The following TRIM4 variants were observed in gnomAD, a reference collection of about 807,000 sequenced individuals.
The protein encoded by TRIM4 is tripartite motif containing 4.
A neutral mutation model predicts 33.7 loss-of-function variants in TRIM4; 29 were observed. The ratio of observed to expected loss-of-function variants is 0.86; its 90% CI spans 0.64 to 1.17. The LOEUF is 1.17. Ranked by LOEUF, TRIM4 falls within the 50% of genes most tolerant of loss-of-function variation. The probability of loss-of-function intolerance (pLI) is 0.00; values close to 1 mark genes in which losing one functional copy is unlikely to be tolerated. For synonymous variants in TRIM4, 224 were observed against 233.0 expected (o/e 0.96, Z 0.35); for missense variants, 554 against 593.7 (o/e 0.93, Z 0.69).
intron 3 of TRIM4, among the ~76,000 whole-genome samples, chr7:99,904,670 G>A (rs1355130244): frequency 6.6e-6 from 1 of 152,086 alleles, no homozygotes; most frequent in African/African-American, 2.4e-5. Flanking sequence ...AACCTAAATT[G>A]TTCATTTTTT....
chr7:99,904,312 A>T (rs140270136), intron 3 of TRIM4, among the ~76,000 whole-genome samples: 2,548 of 152,242 alleles, frequency 0.017, 37 homozygotes, highest in Non-Finnish European at 0.027. Context: ...AAACAGACAA[A>T]TTCCAATAGG....
intron 3 of TRIM4, among the ~76,000 whole-genome samples, chr7:99,905,157 A>G (rs1423160951): frequency 1.3e-5 from 2 of 152,176 alleles, no homozygotes; most frequent in Non-Finnish European, 2.9e-5. Flanking sequence ...AGGAGATGAC[A>G]TTTTGCACCT....
At chr7:99,907,950 C>T (rs980507473) in intron 3 of TRIM4, among the ~76,000 whole-genome samples, 8 of 152,100 alleles carry the variant, frequency 5.3e-5, no homozygotes, top group Admixed American at 4.6e-4. Flanking sequence ...ATGTAGGACC[C>T]TATCCAAAAA....
chr7:99,905,870 T>C (rs1374237007), intron 3 of TRIM4, among the ~76,000 whole-genome samples: 2 of 152,120 alleles, frequency 1.3e-5, no homozygotes, highest in Non-Finnish European at 2.9e-5. Context: ...GAGTGCTGGG[T>C]GTGGTGGCTC....
At chr7:99,909,897 A>G (rs993558393) in intron 1 of TRIM4, among the ~76,000 whole-genome samples, 10 of 151,768 alleles carry the variant, frequency 6.6e-5, no homozygotes, top group African/African-American at 2.4e-4. Flanking sequence ...AGGTCCAACT[A>G]ATTTTTTTAT....
chr7:99,916,679 G>T (rs1204994629), intron 1 of TRIM4: 1 of 780,448 alleles, frequency 1.3e-6, no homozygotes, highest in East Asian at 2.4e-5. Flanking sequence ...TCCCTGCCCT[G>T]AACTAATTCA....
rs1010443822 is a variant in TRIM4, at chr7:99,890,947, A to C, written c.*1216T>G. 2.6e-5 allele frequency: 4 copies of C among 152,216 alleles called. No homozygotes were observed. The highest frequency in any genetic ancestry group is 5.9e-5 in the Non-Finnish European group (4 of 68,042). 9.4% of individuals were successfully genotyped at this position (152,216 alleles called of 1,614,324 possible). ...GAAAATCTGGGAGAAAATATATTGAAATGTTAGTAGTGCATAACTTTAATT... is the reference window on the plus strand; with the variant it reads ...GAAAATCTGGGAGAAAATATATTGACATGTTAGTAGTGCATAACTTTAATT... On this transcript the variant is annotated 3_prime_UTR_variant, in exon 6 of 6. Coordinates refer to ENST00000349062, the MANE Select transcript of TRIM4 (RefSeq NM_033091.3).
chr7:99,908,555 G>A (rs373119343), intron 3 of TRIM4, 27 bp downstream of exon 3: 1 of 1,548,766 alleles, frequency 6.5e-7, no homozygotes, highest in Non-Finnish European at 8.8e-7. Flanking sequence ...GTGAAGATGA[G>A]ATCACCCCCA....
rs1405755561 is a variant in TRIM4 at position 99,892,461 on chromosome 7, A to G, written c.1127T>C (p.Met376Thr). Residue 376 changes from methionine to threonine, a missense_variant, in exon 6 of 6, where the codon ATG (methionine) becomes ACG (threonine). Physicochemically the swap from Met to Thr is moderately conservative, Grantham distance 81. Around this residue, in one of 3 missense-constraint regions of TRIM4, gnomAD observed 290 missense variants for 335.8 expected, o/e 0.86. Coordinates refer to ENST00000349062, the MANE Select transcript of TRIM4 (RefSeq NM_033091.3). ...VAVGVCREDV[M>T]GITDRSKMSP... ...CATTTTTGAACGATCAGTAATTCCC[A>G]TGACGTCCTCCCGACACACCCCAAC... 2 of 1,613,992 alleles carry G rather than the reference A, an allele frequency of 1.2e-6. No individual in the cohort carries two copies. The highest frequency in any genetic ancestry group is 1.7e-6 in the Non-Finnish European group (2 of 1,180,016).
At chr7:99,895,422 T>G (rs1818994917) in intron 5 of TRIM4, among the ~76,000 whole-genome samples, 1 of 152,236 alleles carries the variant, frequency 6.6e-6, no homozygotes, top group Admixed American at 6.5e-5. Flanking sequence ...GAACATACTC[T>G]GAATGATCGG....
chr7:99,902,286 G>A (rs888240651), intron 5 of TRIM4: 13 of 679,802 alleles, frequency 1.9e-5, no homozygotes, highest in East Asian at 1.1e-4. Context: ...TCACTCTATC[G>A]CCCAGTCTGG....
At chr7:99,904,842 G>T (rs1819259742) in intron 3 of TRIM4, among the ~76,000 whole-genome samples, 1 of 151,948 alleles carries the variant, frequency 6.6e-6, no homozygotes, top group Non-Finnish European at 1.5e-5. Context: ...GACCAGCCTG[G>T]CCAACATGAT....
chr7:99,919,321 G>A lies in TRIM4; in HGVS notation c.81C>T (p.Cys27=), dbSNP rs755783128. The A allele has an allele frequency of 3.8e-6, 6 of 1,566,782 alleles. No individual in the cohort carries two copies. The highest frequency in any genetic ancestry group is 4.3e-6 in the Non-Finnish European group (5 of 1,157,410). Residue 27 remains cysteine, a synonymous_variant, in exon 1 of 6, where the codon TGC becomes TGT. Coordinates refer to ENST00000349062, the MANE Select transcript of TRIM4 (RefSeq NM_033091.3). ...DYFQDPVSIE[C]GHNFCRGCLH... ...GGCAGCCGCGGCAGAAGTTGTGGCCGCACTCGATGGACACCGGGTCCTGGA... is the reference window on the plus strand; with the variant it reads ...GGCAGCCGCGGCAGAAGTTGTGGCCACACTCGATGGACACCGGGTCCTGGA...
intron 3 of TRIM4, among the ~76,000 whole-genome samples, chr7:99,907,077 C>T (rs1044795826): frequency 6.6e-6 from 1 of 152,134 alleles, no homozygotes; most frequent in Non-Finnish European, 1.5e-5. Context: ...GTAGTTCTCT[C>T]AGGCTCTGAG....
Position 99,908,704 on chromosome 7 carries a change from C to T in TRIM4, c.598G>A (p.Glu200Lys), listed in dbSNP as rs138155062. 2.0e-5 allele frequency: 32 copies of T among 1,614,076 alleles called. No homozygotes were observed. In the African/African-American group the frequency reaches 4.1e-4, roughly 21 times the overall value. The change falls in exon 3 of 6, where the codon GAA (glutamate) becomes AAA (lysine). Residue 200 changes from glutamate (E) to lysine (K), a missense_variant. Around this residue, in one of 3 missense-constraint regions of TRIM4, gnomAD observed 290 missense variants for 335.8 expected, o/e 0.86. Transcript: ENST00000349062. ...LFLQRLNKEE[E>K]ETKKKLNENT... ...TCATTCAGCTTCTTCTTCGTCTCTT[C>T]TTCTTCTTTGTTCAATCTCTGAAGA...
intron 1 of TRIM4, among the ~76,000 whole-genome samples, chr7:99,916,203 G>T (rs980559792): frequency 5.3e-5 from 8 of 152,152 alleles, no homozygotes; most frequent in South Asian, 2.1e-4. Flanking sequence ...CCACCCACAA[G>T]TGTATTTTCC....
intron 3 of TRIM4, among the ~76,000 whole-genome samples, chr7:99,906,195 T>C (rs2151647766): frequency 6.6e-6 from 1 of 152,134 alleles, no homozygotes; most frequent in East Asian, 1.9e-4. Flanking sequence ...AGAGGGAGGC[T>C]ACCCTTTGAG....
At chr7:99,914,767 G>A (rs1467311187) in intron 1 of TRIM4, among the ~76,000 whole-genome samples, 1 of 152,140 alleles carries the variant, frequency 6.6e-6, no homozygotes, top group Non-Finnish European at 1.5e-5. Flanking sequence ...CCTAAGAGAA[G>A]ACTGCTCCCT....
At chr7:99,914,792 C>CTTTTTCTT (rs558234936) in intron 1 of TRIM4, among the ~76,000 whole-genome samples, 36 of 152,142 alleles carry the variant, frequency 2.4e-4, no homozygotes, top group African/African-American at 7.9e-4. Flanking sequence ...TGGCATAGCA[C>CTTTTTCTT]TTTTTCTTTT....
Sources: gnomAD v4.1 joint callset for allele counts (sites outside exome capture counted in the v4.1 genomes callset) on GRCh38, gnomAD v4.1.1 for gene constraint, gnomAD v4.1.1 regional missense constraint, MANE v1.5 for transcripts, NCBI Gene and HGNC (gene_info 2026-07-23, HGNC 2026-07-21) for gene names.